Variants in CHMP2B observed in about 807,000 individuals in gnomAD.
CHMP2B encodes the protein VPS2 homolog B.
Under a neutral mutation model 29.8 loss-of-function variants are expected in CHMP2B, and 22 were observed. The observed-to-expected ratio is 0.74, with a 90% CI of 0.53 to 1.05. The LOEUF (loss-of-function observed/expected upper bound fraction) is 1.05. Among genes scored for constraint, CHMP2B ranks in the 50% least tolerant of loss-of-function variants. The probability of loss-of-function intolerance (pLI) is 0.00; values close to 1 mark genes in which losing one functional copy is unlikely to be tolerated. For synonymous variants in CHMP2B, 78 were observed against 75.8 expected (o/e 1.03, Z -0.15); for missense variants, 261 against 252.2 (o/e 1.03, Z -0.24).
At chr3:87,243,008 A>C (rs942940973) in intron 2 of CHMP2B, among the ~76,000 whole-genome samples, 11 of 152,164 alleles carry the variant, frequency 7.2e-5, no homozygotes, top group Admixed American at 6.5e-5. Context: ...GAATAGTTAC[A>C]TATTAACATT....
At chr3:87,243,205 C>T (rs1226326377) in intron 2 of CHMP2B, among the ~76,000 whole-genome samples, 1 of 152,052 alleles carries the variant, frequency 6.6e-6, no homozygotes, top group Non-Finnish European at 1.5e-5. Flanking sequence ...CTTTTTTAGT[C>T]TGTCAATACA....
At chr3:87,252,027 A>G (rs1037369927) in intron 4 of CHMP2B, among the ~76,000 whole-genome samples, 2 of 151,934 alleles carry the variant, frequency 1.3e-5, no homozygotes, top group African/African-American at 2.4e-5. Flanking sequence ...TCTGCTTACT[A>G]CAAAATAAAA....
Position 87,245,798 on chromosome 3 carries a change from C to G in CHMP2B, c.211C>G (p.Gln71Glu). 1.2e-6 allele frequency: 2 copies of G among 1,613,802 alleles called. No homozygotes were observed. The highest frequency in any genetic ancestry group is 1.7e-6 in the Non-Finnish European group (2 of 1,179,876). The change falls in exon 3 of 6, where the codon CAG becomes GAG. Residue 71 changes from glutamine to glutamate, a missense_variant. By Grantham distance (29) the Gln-to-Glu change is conservative. Transcript: ENST00000263780. ...LAKQLVHLRK[Q>E]KTRTFAVSSK... ...CAAACAACTTGTGCATCTACGGAAACAGAAGACGAGAACTTTTGCTGTAAG... is the reference window on the plus strand; with the variant it reads ...CAAACAACTTGTGCATCTACGGAAAGAGAAGACGAGAACTTTTGCTGTAAG...
intron 4 of CHMP2B, chr3:87,253,067 A>G (rs1361293199): frequency 3.8e-6 from 1 of 260,066 alleles, no homozygotes; most frequent in Non-Finnish European, 7.5e-6. Flanking sequence ...TTCCTCTACT[A>G]GCTTAATGGA....
chr3:87,245,782 T>C lies in CHMP2B; in HGVS notation c.195T>C (p.Leu65=). 1 of 1,613,892 alleles carries C rather than the reference T, an allele frequency of 6.2e-7. No homozygotes were observed. Among genetic ancestry groups the C allele is most frequent in the South Asian group, 1.1e-5 (1 of 91,044 alleles). The stretch of plus-strand genomic sequence containing the variant: ...CTTGCAAAGTTTTAGCCAAACAACT[T>C]GTGCATCTACGGAAACAGAAGACGA... ...KEACKVLAKQ[L]VHLRKQKTRT... Residue 65 remains leucine (L), a synonymous_variant, in exon 3 of 6, where the codon CTT becomes CTC. Transcript: ENST00000263780.
intron 1 of CHMP2B, among the ~76,000 whole-genome samples, chr3:87,239,888 A>T (rs961855436): frequency 3.4e-4 from 51 of 152,198 alleles, no homozygotes; most frequent in African/African-American, 1.2e-3. Context: ...AGGTATAATC[A>T]TGATGATCAA....
chr3:87,233,436 G>A lies in CHMP2B; in HGVS notation c.34+5880G>A, dbSNP rs114426642. 2.4e-3 allele frequency among the ~76,000 whole-genome samples: 361 copies of A among 152,126 alleles called. 3 individuals carry two copies. Among genetic ancestry groups the A allele is most frequent in the Middle Eastern group, 0.02 (6 of 294 alleles). ...TTTTAATGCCTTAGCTTTTGAGTTTGTCATATTTTTGCAGTTTTTTTTTCT... is the reference window on the plus strand; with the variant it reads ...TTTTAATGCCTTAGCTTTTGAGTTTATCATATTTTTGCAGTTTTTTTTTCT... On this transcript the variant is annotated intron_variant, in intron 1 of 5. Coordinates refer to ENST00000263780, the MANE Select transcript of CHMP2B (RefSeq NM_014043.4).
chr3:87,230,793 A>T (rs1188120851), intron 1 of CHMP2B, among the ~76,000 whole-genome samples: 1 of 152,140 alleles, frequency 6.6e-6, no homozygotes, highest in African/African-American at 2.4e-5. Context: ...GCATGCAATG[A>T]GATGTTGCTT....
chr3:87,250,232 A>G (rs1041439750), intron 4 of CHMP2B, among the ~76,000 whole-genome samples: 1 of 151,980 alleles, frequency 6.6e-6, no homozygotes, highest in African/African-American at 2.4e-5. Flanking sequence ...ATAATTCATG[A>G]TATAAGTCAA....
In CHMP2B at chr3:87,240,777, A is replaced by G; in HGVS notation, c.113A>G (p.Gln38Arg). The change falls in exon 2 of 6, where the codon CAA becomes CGA. Residue 38 changes from glutamine to arginine, a missense_variant. By Grantham distance (43) the Gln-to-Arg change is conservative. Coordinates refer to ENST00000263780, the MANE Select transcript of CHMP2B (RefSeq NM_014043.4). ...AGAGATCGAGCAGCTTTAGAGAAACAAGAAAAACAGCTGGTAAGTAGAACG... is the reference window on the plus strand; with the variant it reads ...AGAGATCGAGCAGCTTTAGAGAAACGAGAAAAACAGCTGGTAAGTAGAACG... ...IIRDRAALEK[Q>R]EKQLELEIKK... 6.2e-7 allele frequency: 1 copy of G among 1,612,498 alleles called. No individual in the cohort carries two copies. The highest frequency in any genetic ancestry group is 1.3e-5 in the African/African-American group (1 of 74,994).
chr3:87,231,386 C>T (rs1705907580), intron 1 of CHMP2B, among the ~76,000 whole-genome samples: 1 of 152,156 alleles, frequency 6.6e-6, no homozygotes, highest in Admixed American at 6.6e-5. Flanking sequence ...GGATCTTCCT[C>T]TCTGTGTTTG....
intron 2 of CHMP2B, among the ~76,000 whole-genome samples, chr3:87,243,720 T>C (rs926658444): frequency 9.2e-5 from 14 of 152,204 alleles, no homozygotes; most frequent in Admixed American, 6.5e-5. Context: ...TTGGTGGCTT[T>C]AGTCTGTCAA....
chr3:87,233,720 C>G (rs1705946805), intron 1 of CHMP2B, among the ~76,000 whole-genome samples: 1 of 152,104 alleles, frequency 6.6e-6, no homozygotes. Context: ...ATCTTGATAC[C>G]TTAAAACCAG....
chr3:87,245,421 G>A (rs1430057672), intron 2 of CHMP2B, among the ~76,000 whole-genome samples: 1 of 150,252 alleles, frequency 6.7e-6, no homozygotes, highest in Non-Finnish European at 1.5e-5. Context: ...CCTTCTTTTG[G>A]ATAGTCTTTT....
chr3:87,239,317 A>G (rs1371333537), intron 1 of CHMP2B, among the ~76,000 whole-genome samples: 3 of 151,900 alleles, frequency 2.0e-5, no homozygotes, highest in Non-Finnish European at 4.4e-5. Flanking sequence ...TATGCTTTTA[A>G]TGTCATATTT....
At chr3:87,228,218 A>G (rs373368087) in intron 1 of CHMP2B, among the ~76,000 whole-genome samples, 4 of 152,342 alleles carry the variant, frequency 2.6e-5, no homozygotes, top group Admixed American at 1.3e-4. Context: ...TAACATGTAA[A>G]GATAATTGTG....
At chr3:87,240,667 A>G (rs367894193) in intron 1 of CHMP2B, 32 bp from the exon 2 acceptor site, 99 of 1,447,332 alleles carry the variant, frequency 6.8e-5, no homozygotes, top group Non-Finnish European at 8.9e-5. Context: ...TTTACAACCC[A>G]TAAATTTAGG....
At chr3:87,237,538 T>C (rs1706037948) in intron 1 of CHMP2B, among the ~76,000 whole-genome samples, 1 of 152,212 alleles carries the variant, frequency 6.6e-6, no homozygotes, top group Non-Finnish European at 1.5e-5. Context: ...CGATATTTCA[T>C]TGTGGCAGCC....
chr3:87,244,165 G>A (rs540119191), intron 2 of CHMP2B, among the ~76,000 whole-genome samples: 1 of 150,950 alleles, frequency 6.6e-6, no homozygotes, highest in Non-Finnish European at 1.5e-5. Context: ...TTCTGCCTCA[G>A]CCTCCCAAGT....
Sources: allele counts gnomAD v4.1 joint callset (sites outside exome capture counted in the v4.1 genomes callset), GRCh38; gene constraint gnomAD v4.1.1; transcripts MANE v1.5; gene names NCBI Gene and HGNC (gene_info 2026-07-23, HGNC 2026-07-21).